CFAP53: variants seen among roughly 807,000 people sequenced by gnomAD.
The protein encoded by CFAP53 is cilia and flagella associated protein 53, also known as cilia- and flagella-associated protein 53.
A neutral mutation model predicts 59.7 loss-of-function variants in CFAP53; 62 were observed. The ratio of observed to expected loss-of-function variants is 1.04; its 90% CI spans 0.85 to 1.28. The LOEUF (loss-of-function observed/expected upper bound fraction) is 1.28. CFAP53 is among the 50% of genes most tolerant of loss of function. The pLI, the probability that CFAP53 is intolerant of heterozygous loss-of-function variation, is 0.00. For missense variants in CFAP53, 629 were observed against 615.6 expected (o/e 1.02, Z -0.23); for synonymous variants, 218 against 205.7 (o/e 1.06, Z -0.51).
intron 3 of CFAP53, among the ~76,000 whole-genome samples, chr18:50,257,361 T>C (rs73434031): frequency 0.016 from 2,476 of 152,272 alleles, 48 homozygotes; most frequent in East Asian, 0.074. Flanking sequence ...CGATCTTATA[T>C]TTGGAAAAAT....
intron 7 of CFAP53, among the ~76,000 whole-genome samples, chr18:50,229,112 C>T (rs2033555190): frequency 6.6e-6 from 1 of 152,040 alleles, no homozygotes; most frequent in African/African-American, 2.4e-5. Flanking sequence ...AACAAACAAA[C>T]AAAACCCACA....
chr18:50,238,746 G>A (rs2033660830), intron 6 of CFAP53, 41 bp from the exon 7 acceptor site: 1 of 1,462,728 alleles, frequency 6.8e-7, no homozygotes. Context: ...ATGACTTTCA[G>A]ACAAGAATTG....
chr18:50,242,738 T>C (rs1396768991), intron 6 of CFAP53, among the ~76,000 whole-genome samples, 162 bp downstream of exon 6: 3 of 152,244 alleles, frequency 2.0e-5, no homozygotes. Flanking sequence ...TCTTCATATA[T>C]ATCCAATTAG....
chr18:50,258,029 C>A (rs1423470501), intron 3 of CFAP53, among the ~76,000 whole-genome samples: 1 of 151,942 alleles, frequency 6.6e-6, no homozygotes, highest in Non-Finnish European at 1.5e-5. Flanking sequence ...ACACTCCAGG[C>A]TGGACAACTG....
At chr18:50,237,377 C>T (rs112432271) in intron 7 of CFAP53, among the ~76,000 whole-genome samples, 2 of 95,748 alleles carry the variant, frequency 2.1e-5, no homozygotes, top group African/African-American at 3.7e-5. Flanking sequence ...TACACACACA[C>T]ACACACATAC....
At chr18:50,264,209 A>G (rs1189856248) in intron 1 of CFAP53, among the ~76,000 whole-genome samples, 2 of 152,228 alleles carry the variant, frequency 1.3e-5, no homozygotes, top group Non-Finnish European at 1.5e-5. Flanking sequence ...ATTGGACATC[A>G]CAGCTCTAAA....
At chr18:50,239,995 G>C (rs1265726464) in intron 6 of CFAP53, among the ~76,000 whole-genome samples, 1 of 152,180 alleles carries the variant, frequency 6.6e-6, no homozygotes, top group East Asian at 1.9e-4. Context: ...CAATATGTCA[G>C]TATGTTCAAT....
intron 7 of CFAP53, among the ~76,000 whole-genome samples, chr18:50,237,094 C>A (rs964703787): frequency 6.6e-6 from 1 of 150,858 alleles, no homozygotes; most frequent in Non-Finnish European, 1.5e-5. Context: ...ATCACGAGGT[C>A]AGGAGTTCAA....
chr18:50,252,051 A>C (rs142140652), intron 3 of CFAP53, among the ~76,000 whole-genome samples: 3 of 152,022 alleles, frequency 2.0e-5, no homozygotes, highest in Non-Finnish European at 4.4e-5. Flanking sequence ...GTTAACCCCA[A>C]TGACTGACCT....
intron 3 of CFAP53, among the ~76,000 whole-genome samples, chr18:50,260,214 AC>A (rs551902128): frequency 3.2e-4 from 49 of 152,316 alleles, no homozygotes; most frequent in African/African-American, 1.1e-3. Context: ...TACAGAGGCA[AC>A]CACAGTACCA....
intron 7 of CFAP53, among the ~76,000 whole-genome samples, chr18:50,232,851 C>G (rs1323706903): frequency 6.6e-6 from 1 of 152,202 alleles, no homozygotes; most frequent in East Asian, 1.9e-4. Context: ...TCCTGTAAAG[C>G]CTGACCTTTT....
At chr18:50,242,836 T>C in intron 6 of CFAP53, 64 bp downstream of exon 6, 2 of 1,288,216 alleles carry the variant, frequency 1.6e-6, no homozygotes, top group Non-Finnish European at 2.2e-6. Flanking sequence ...GTTGTTAGTA[T>C]TTTGGTTGTT....
intron 1 of CFAP53, among the ~76,000 whole-genome samples, chr18:50,265,470 C>T (rs114388463): frequency 0.013 from 1,961 of 152,198 alleles, 31 homozygotes; most frequent in African/African-American, 0.044. Context: ...ATCTCTGGTC[C>T]CAAGCATTTC....
chr18:50,227,543 G>A lies in CFAP53; in HGVS notation c.1383C>T (p.Ser461=). Reference sequence around the variant, plus strand: ...GTTTCTCTTCCTTCTCTGCTTCTTGGGACTGCTGCTGGTAGGCGATTTGCA... The same window carrying A: ...GTTTCTCTTCCTTCTCTGCTTCTTGAGACTGCTGCTGGTAGGCGATTTGCA... The part of the protein sequence containing the change: ...LQMQIAYQQQ[S]QEAEKEEKRR... Residue 461 remains serine (S), a synonymous_variant, in exon 8 of 8, where the codon TCC becomes TCT. Transcript: ENST00000398545. 6.2e-7 allele frequency: 1 copy of A among 1,614,082 alleles called. No homozygotes were observed. Among genetic ancestry groups the A allele is most frequent in the African/African-American group, 1.3e-5 (1 of 75,014 alleles).
At chr18:50,235,100 C>T (rs1332408939) in intron 7 of CFAP53, among the ~76,000 whole-genome samples, 1 of 152,190 alleles carries the variant, frequency 6.6e-6, no homozygotes, top group Admixed American at 6.5e-5. Context: ...GTTGCTCTTA[C>T]ATCAATACCT....
intron 5 of CFAP53, among the ~76,000 whole-genome samples, chr18:50,245,349 T>A (rs2033733671): frequency 1.5e-5 from 2 of 132,782 alleles, no homozygotes; most frequent in South Asian, 4.5e-4. Flanking sequence ...ACCACTGCAG[T>A]CCGCAGTCCG....
intron 6 of CFAP53, 46 bp from the exon 7 acceptor site, chr18:50,238,751 G>C (rs35839946): frequency 0.37 from 519,696 of 1,422,456 alleles, 101,906 homozygotes; most frequent in Non-Finnish European, 0.41. Flanking sequence ...TTTCAGACAA[G>C]AATTGCCAAC....
At chr18:50,263,786 A>C (rs1356450992) in intron 1 of CFAP53, among the ~76,000 whole-genome samples, 4 of 152,190 alleles carry the variant, frequency 2.6e-5, no homozygotes, top group Non-Finnish European at 5.9e-5. Flanking sequence ...CAGGACAGGA[A>C]ACAGGGCTGA....
intron 3 of CFAP53, among the ~76,000 whole-genome samples, chr18:50,252,110 CTT>C (rs11316755): frequency 1.3e-4 from 19 of 148,434 alleles, no homozygotes; most frequent in South Asian, 2.2e-4. Context: ...TACTTTTTTT[CTT>C]TTTTTTTTTG....
Sources: gnomAD v4.1 joint callset for allele counts (sites outside exome capture counted in the v4.1 genomes callset) on GRCh38, gnomAD v4.1.1 for gene constraint, MANE v1.5 for transcripts, NCBI Gene and HGNC (gene_info 2026-07-23, HGNC 2026-07-21) for gene names.